CSMD1: variants seen among roughly 807,000 people sequenced by gnomAD.
CSMD1 encodes CUB and sushi domain-containing protein 1.
In CSMD1, 213 loss-of-function variants were observed where a neutral mutation model predicts 417.5. That is an observed-to-expected ratio of 0.51 (90% CI 0.46 to 0.57). The LOEUF is 0.57. Ranked by LOEUF, CSMD1 falls within the 20% of genes least tolerant of loss-of-function variation. The probability of loss-of-function intolerance (pLI) is 0.00; values close to 1 mark genes in which losing one functional copy is unlikely to be tolerated. For synonymous variants in CSMD1, 2,862 were observed against 1,736.8 expected (o/e 1.65, Z -16.11); for missense variants, 6,923 against 4,529.7 (o/e 1.53, Z -15.17).
chr8:3,352,355 T>G (rs1159089857), intron 21 of CSMD1, among the ~76,000 whole-genome samples: 2 of 152,266 alleles, frequency 1.3e-5, no homozygotes, highest in Non-Finnish European at 2.9e-5. Context: ...ACACAGAAGG[T>G]ATAGATGTTG....
intron 1 of CSMD1, among the ~76,000 whole-genome samples, chr8:4,850,033 C>T (rs1048816284): frequency 2.9e-4 from 44 of 152,262 alleles, no homozygotes; most frequent in Non-Finnish European, 5.1e-4. Flanking sequence ...ATCTGTGTTA[C>T]GTACGTACTA....
intron 3 of CSMD1, among the ~76,000 whole-genome samples, chr8:4,258,041 G>T (rs1217530512): frequency 6.6e-6 from 1 of 151,824 alleles, no homozygotes; most frequent in African/African-American, 2.4e-5. Context: ...TGTGGAAGGG[G>T]GAAGCAATCC....
intron 41 of CSMD1, among the ~76,000 whole-genome samples, chr8:3,131,363 AAAAT>A (rs1410262943): frequency 3.3e-5 from 5 of 151,780 alleles, no homozygotes; most frequent in African/African-American, 9.7e-5. Flanking sequence ...AAAAAAAGAA[AAAAT>A]AAATAAATAA....
At chr8:4,719,211 T>C (rs1298326786) in intron 1 of CSMD1, among the ~76,000 whole-genome samples, 1 of 152,174 alleles carries the variant, frequency 6.6e-6, no homozygotes, top group Non-Finnish European at 1.5e-5. Context: ...TGGGGGAGAC[T>C]AGATGGCACA....
intron 4 of CSMD1, among the ~76,000 whole-genome samples, chr8:4,029,971 C>A (rs971708892): frequency 2.6e-5 from 4 of 152,146 alleles, no homozygotes; most frequent in African/African-American, 7.2e-5. Flanking sequence ...GCTCCAAAAT[C>A]ATTTCCTTTG....
intron 51 of CSMD1, among the ~76,000 whole-genome samples, chr8:3,025,155 TGTGTATTGTGTGGTGTTATTCTGATACC>T (rs1809767884): frequency 1.4e-5 from 2 of 147,016 alleles, no homozygotes; most frequent in Non-Finnish European, 3.0e-5. Flanking sequence ...ATTCTGAAAC[TGTGTATTGTGTGGTGTTATTCTGATACC>T]GTGTATTGTG....
At chr8:3,504,472 A>C (rs1001361170) in intron 10 of CSMD1, among the ~76,000 whole-genome samples, 3 of 152,202 alleles carry the variant, frequency 2.0e-5, no homozygotes, top group Non-Finnish European at 4.4e-5. Flanking sequence ...CAGACACTTG[A>C]TCAATGGCAG....
At chr8:3,048,723 A>G (rs1343281499) in intron 50 of CSMD1, among the ~76,000 whole-genome samples, 1 of 152,156 alleles carries the variant, frequency 6.6e-6, no homozygotes, top group Non-Finnish European at 1.5e-5. Context: ...TTTAAAAAGA[A>G]CAGATATGTT....
At chr8:3,400,852 A>G (rs552284829) in intron 15 of CSMD1, among the ~76,000 whole-genome samples, 3 of 151,282 alleles carry the variant, frequency 2.0e-5, no homozygotes, top group South Asian at 4.1e-4. Context: ...TGTTATTTTT[A>G]TACCTATGCA....
chr8:3,812,323 C>T (rs1801134424), intron 5 of CSMD1, among the ~76,000 whole-genome samples: 1 of 152,134 alleles, frequency 6.6e-6, no homozygotes, highest in South Asian at 2.1e-4. Flanking sequence ...AGCTTTGCCT[C>T]TCAATGAGTC....
chr8:2,946,973 G>A (rs1406433932), intron 68 of CSMD1, among the ~76,000 whole-genome samples: 1 of 152,158 alleles, frequency 6.6e-6, no homozygotes, highest in Non-Finnish European at 1.5e-5. Flanking sequence ...CCCTGATAAT[G>A]ATTATAATCA....
At chr8:3,296,262 G>A (rs539912639) in intron 25 of CSMD1, among the ~76,000 whole-genome samples, 1 of 151,376 alleles carries the variant, frequency 6.6e-6, no homozygotes, top group Non-Finnish European at 1.5e-5. Flanking sequence ...GTCGCATCCT[G>A]TGAGACGTAA....
At chr8:3,874,535 A>G (rs1426099504) in intron 5 of CSMD1, among the ~76,000 whole-genome samples, 2 of 152,208 alleles carry the variant, frequency 1.3e-5, no homozygotes, top group Non-Finnish European at 2.9e-5. Flanking sequence ...CATTGAAGAC[A>G]TACAAGCAGC....
At chr8:4,044,804 G>A (rs1284580845) in intron 3 of CSMD1, among the ~76,000 whole-genome samples, 1 of 78,748 alleles carries the variant, frequency 1.3e-5, no homozygotes, top group Non-Finnish European at 3.1e-5. Flanking sequence ...GTACCACCCT[G>A]GATGTGAACC....
intron 25 of CSMD1, among the ~76,000 whole-genome samples, chr8:3,304,421 C>G (rs1187805405): frequency 6.6e-6 from 1 of 152,066 alleles, no homozygotes; most frequent in East Asian, 1.9e-4. Flanking sequence ...TTATGTACTT[C>G]TAATTATGGT....
At chr8:4,394,915 A>G (rs1804097605) in intron 3 of CSMD1, among the ~76,000 whole-genome samples, 1 of 152,178 alleles carries the variant, frequency 6.6e-6, no homozygotes, top group Non-Finnish European at 1.5e-5. Context: ...CCTCTACAGC[A>G]GGTGCACTGA....
chr8:4,295,755 T>C (rs1166767379), intron 3 of CSMD1, among the ~76,000 whole-genome samples: 1 of 7,516 alleles, frequency 1.3e-4, no homozygotes. Context: ...TGTGTGTATA[T>C]ATATATATAT....
At chr8:3,838,545 G>A (rs62479948) in intron 5 of CSMD1, among the ~76,000 whole-genome samples, 47,040 of 135,882 alleles carry the variant, frequency 0.35, 8,883 homozygotes, top group African/African-American at 0.47. Flanking sequence ...GTCTATATAT[G>A]TACTCTCTGT....
At position 3,859,241 on chromosome 8, in the gene CSMD1, A is replaced by G. The variant is rs1462498014; in HGVS notation, c.819-105199T>C. Among the ~76,000 whole-genome samples the G allele has an allele frequency of 3.9e-5, 6 of 152,178 alleles. No individual in the cohort carries two copies. The East Asian group carries it at 1.2e-3, about 29-fold the overall frequency. ...AGCCACCATTCAACTTCTCAAGTGAACGCCATTCAATCCCACTCACTGGTG... is the reference window on the plus strand; with the variant it reads ...AGCCACCATTCAACTTCTCAAGTGAGCGCCATTCAATCCCACTCACTGGTG... On this transcript the variant is annotated intron_variant, in intron 5 of 69. Transcript: ENST00000635120.
Sources: gnomAD v4.1 joint callset for allele counts (sites outside exome capture counted in the v4.1 genomes callset) on GRCh38, gnomAD v4.1.1 for gene constraint, MANE v1.5 for transcripts, NCBI Gene and HGNC (gene_info 2026-07-23, HGNC 2026-07-21) for gene names.